The following XYLT1 variants were observed in gnomAD, a reference collection of about 807,000 sequenced individuals.
The protein encoded by XYLT1 is xylosyltransferase 1.
XYLT1 carries 36 observed loss-of-function variants against 91.3 expected under a neutral mutation model. The ratio of observed to expected loss-of-function variants is 0.39; its 90% CI spans 0.30 to 0.52. The LOEUF (loss-of-function observed/expected upper bound fraction) is 0.52, where lower values mean the gene tolerates loss of function less well. Among genes scored for constraint, XYLT1 ranks in the 20% least tolerant of loss-of-function variants. The pLI is 0.68. For missense variants in XYLT1, 1,242 were observed against 1,284.5 expected, an observed-to-expected ratio of 0.97 and a Z score of 0.51; for synonymous variants, 588 against 532.0, an observed-to-expected ratio of 1.11 and a Z score of -1.45.
At chr16:17,445,474 A>T (rs1051089214) in intron 1 of XYLT1, among the ~76,000 whole-genome samples, 1 of 152,240 alleles carries the variant, frequency 6.6e-6, no homozygotes, top group Non-Finnish European at 1.5e-5. Context: ...TCAAGAAGTC[A>T]CCAGAAAGGA....
At chr16:17,319,924 TG>T (rs2034691517) in intron 2 of XYLT1, among the ~76,000 whole-genome samples, 1 of 152,166 alleles carries the variant, frequency 6.6e-6, no homozygotes, top group African/African-American at 2.4e-5. Flanking sequence ...CCCTCCCCAC[TG>T]GAATTCCTGG....
At chr16:17,267,034 T>C (rs1255915776) in intron 2 of XYLT1, among the ~76,000 whole-genome samples, 4 of 152,244 alleles carry the variant, frequency 2.6e-5, no homozygotes, top group Non-Finnish European at 5.9e-5. Flanking sequence ...AGGCAGGCCC[T>C]GCTTTAACAG....
At chr16:17,171,852 C>G (rs1212812795) in intron 5 of XYLT1, among the ~76,000 whole-genome samples, 1 of 152,178 alleles carries the variant, frequency 6.6e-6, no homozygotes, top group Non-Finnish European at 1.5e-5. Flanking sequence ...AGCCTAAAAA[C>G]AAGTGTTCAA....
At chr16:17,237,095 G>T (rs538044242) in intron 3 of XYLT1, among the ~76,000 whole-genome samples, 2 of 152,264 alleles carry the variant, frequency 1.3e-5, no homozygotes, top group Admixed American at 6.5e-5. Context: ...CAATGTTCAG[G>T]TGAGTCTTGT....
chr16:17,196,893 C>G (rs2032436547), intron 5 of XYLT1, among the ~76,000 whole-genome samples: 1 of 151,670 alleles, frequency 6.6e-6, no homozygotes, highest in Non-Finnish European at 1.5e-5. Flanking sequence ...AACACCATCT[C>G]TATGCTACTT....
intron 8 of XYLT1, 180 bp downstream of exon 8, chr16:17,138,175 C>A: frequency 1.5e-6 from 1 of 673,912 alleles, no homozygotes; most frequent in East Asian, 2.8e-5. Flanking sequence ...TTAGAACATC[C>A]CTGAAGTAAG....
intron 2 of XYLT1, among the ~76,000 whole-genome samples, chr16:17,319,868 G>A (rs1187198203): frequency 6.6e-6 from 1 of 152,100 alleles, no homozygotes; most frequent in Non-Finnish European, 1.5e-5. Context: ...ATGTCATCTG[G>A]CCCCTTCGTA....
chr16:17,180,234 G>A (rs2032037457), intron 5 of XYLT1, among the ~76,000 whole-genome samples: 1 of 152,332 alleles, frequency 6.6e-6, no homozygotes, highest in African/African-American at 2.4e-5. Flanking sequence ...CTGAGACACT[G>A]CCCCAATTCC....
At chr16:17,349,975 G>A (rs761243409) in intron 2 of XYLT1, among the ~76,000 whole-genome samples, 16 of 151,922 alleles carry the variant, frequency 1.1e-4, no homozygotes, top group East Asian at 3.9e-4. Context: ...CCGGGTTCAC[G>A]TCATTCTCCT....
chr16:17,382,881 T>C (rs1329982349), intron 1 of XYLT1, among the ~76,000 whole-genome samples: 1 of 151,762 alleles, frequency 6.6e-6, no homozygotes, highest in Non-Finnish European at 1.5e-5. Flanking sequence ...GTGAGGAAAC[T>C]GAGGTACAGA....
At chr16:17,282,060 C>T (rs115805486) in intron 2 of XYLT1, among the ~76,000 whole-genome samples, 309 of 152,342 alleles carry the variant, frequency 2.0e-3, no homozygotes, top group African/African-American at 7.0e-3. Context: ...CCAGGCAACT[C>T]CACTTTCTAC....
rs781326841 is a variant in XYLT1, at chr16:17,102,955, TA to T, written c.*5739del. 667 of 144,222 alleles carry T rather than the reference TA, an allele frequency of 4.6e-3. 1 individual carries two copies. Among genetic ancestry groups the T allele is most frequent in the Middle Eastern group, 7.2e-3 (2 of 276 alleles). The allele number at this position is 144,222 out of a possible 1,614,324, so 8.9% of individuals were successfully genotyped here. On this transcript the variant is annotated 3_prime_UTR_variant, in exon 12 of 12. Coordinates refer to ENST00000261381, the MANE Select transcript of XYLT1 (RefSeq NM_022166.4). The stretch of plus-strand genomic sequence containing the variant: ...CAAATGCTATTGACAACATAATATT[TA>T]AAAAAAAAAAAGGCAAAAGGACTAC...
chr16:17,268,849 T>G (rs1338015093), intron 2 of XYLT1, among the ~76,000 whole-genome samples: 1 of 152,142 alleles, frequency 6.6e-6, no homozygotes, highest in Non-Finnish European at 1.5e-5. Flanking sequence ...ATTTTTGTAT[T>G]TTTAGTATAG....
intron 3 of XYLT1, among the ~76,000 whole-genome samples, chr16:17,237,736 G>T (rs182865296): frequency 6.6e-6 from 1 of 152,210 alleles, no homozygotes. Flanking sequence ...TGTTGTTGCT[G>T]GATGCCATCT....
rs186518841 is a variant in XYLT1, at chr16:17,467,582, C to T, written c.363+2852G>A. On this transcript the variant is annotated intron_variant, in intron 1 of 11. Coordinates refer to ENST00000261381, the MANE Select transcript of XYLT1 (RefSeq NM_022166.4). ...AGCTTGCAAATCTTTTATGGACATG[C>T]CCTCTGACTCTGTCTACTTGAGAAA... Among the ~76,000 whole-genome samples the T allele has an allele frequency of 1.2e-4, 19 of 152,270 alleles. No individual in the cohort carries two copies. The East Asian group carries it at 3.7e-3, about 29-fold the overall frequency.
At chr16:17,243,465 A>G (rs1400565183) in intron 3 of XYLT1, among the ~76,000 whole-genome samples, 8 of 152,200 alleles carry the variant, frequency 5.3e-5, no homozygotes, top group African/African-American at 1.7e-4. Context: ...CTTGAGAGGA[A>G]AAAGGGGCTC....
At chr16:17,221,356 T>C (rs1315515843) in intron 3 of XYLT1, among the ~76,000 whole-genome samples, 1 of 151,908 alleles carries the variant, frequency 6.6e-6, no homozygotes, top group East Asian at 1.9e-4. Flanking sequence ...GTATCAAGAG[T>C]GTTTTCGGTT....
intron 1 of XYLT1, among the ~76,000 whole-genome samples, chr16:17,368,240 C>T (rs949758007): frequency 6.6e-5 from 10 of 152,104 alleles, no homozygotes; most frequent in African/African-American, 1.9e-4. Flanking sequence ...AGAAGAGAGA[C>T]GATGAGAACA....
intron 1 of XYLT1, among the ~76,000 whole-genome samples, chr16:17,377,181 A>G (rs913537528): frequency 7.2e-5 from 11 of 152,242 alleles, no homozygotes; most frequent in Admixed American, 4.6e-4. Flanking sequence ...TGCCTCACAC[A>G]CACACACAAA....
Sources: allele counts gnomAD v4.1 joint callset (sites outside exome capture counted in the v4.1 genomes callset), GRCh38; gene constraint gnomAD v4.1.1; transcripts MANE v1.5; gene names NCBI Gene and HGNC (gene_info 2026-07-23, HGNC 2026-07-21).